Variants in ZC4H2 observed in about 807,000 individuals in gnomAD.
ZC4H2 encodes zinc finger C4H2 domain-containing protein.
For missense variants in ZC4H2, 137 were observed against 173.9 expected (o/e 0.79, Z 1.19); for synonymous variants, 84 against 66.3 (o/e 1.27, Z -1.30).
chrX:64,950,788 G>C (rs1325236070), intron 1 of ZC4H2, among the ~76,000 whole-genome samples: 2 of 110,042 alleles, frequency 1.8e-5, no homozygotes, highest in Non-Finnish European at 3.8e-5. Flanking sequence ...TGATGGCTCT[G>C]GATTCTTTTT....
At chrX:64,953,958 C>A (rs1057144008) in intron 1 of ZC4H2, among the ~76,000 whole-genome samples, 1 of 110,608 alleles carries the variant, frequency 9.0e-6, no homozygotes, top group Non-Finnish European at 1.9e-5. Context: ...GAAAATGTGG[C>A]ATATATACAC....
intron 1 of ZC4H2, among the ~76,000 whole-genome samples, chrX:65,026,213 C>G (rs185645472): frequency 8.9e-6 from 1 of 111,883 alleles, no homozygotes; most frequent in Non-Finnish European, 1.9e-5. Context: ...GAATGAAGGG[C>G]AGAGTAGAAA....
chrX:64,965,039 G>A (rs769454016), intron 1 of ZC4H2, among the ~76,000 whole-genome samples: 1 of 111,873 alleles, frequency 8.9e-6, no homozygotes, highest in African/African-American at 3.2e-5. Context: ...AAAATGCAAT[G>A]TGGTATCTTG....
At chrX:65,019,046 T>C (rs1569231919) in intron 1 of ZC4H2, among the ~76,000 whole-genome samples, 1 of 111,751 alleles carries the variant, frequency 8.9e-6, no homozygotes, top group Non-Finnish European at 1.9e-5. Context: ...CAGGGGCTTA[T>C]AGATAAAACC....
intron 1 of ZC4H2, among the ~76,000 whole-genome samples, chrX:65,017,910 A>G (rs757186705): frequency 3.6e-5 from 4 of 112,221 alleles, no homozygotes; most frequent in Non-Finnish European, 5.6e-5. Context: ...ATGCCTGTCA[A>G]TTTGTGCTAA....
chrX:64,966,176 T>A (rs1931585479), intron 1 of ZC4H2, among the ~76,000 whole-genome samples: 1 of 111,478 alleles, frequency 9.0e-6, no homozygotes, highest in Admixed American at 9.5e-5. Context: ...GATATATGGG[T>A]GGCAAATAAA....
At chrX:64,950,865 T>C (rs1344570998) in intron 1 of ZC4H2, among the ~76,000 whole-genome samples, 4 of 110,356 alleles carry the variant, frequency 3.6e-5, no homozygotes, top group Non-Finnish European at 7.6e-5. Flanking sequence ...TGCAGGTTAG[T>C]TACATATGTA....
At chrX:64,980,430 AG>A (rs969994238), upstream of ZC4H2, among the ~76,000 whole-genome samples, 1 of 112,021 alleles carries the variant, frequency 8.9e-6, no homozygotes, top group Non-Finnish European at 1.9e-5. Context: ...GCAAGGAGTC[AG>A]GGAAAAGCTT....
intron 1 of ZC4H2, among the ~76,000 whole-genome samples, chrX:64,954,854 G>A (rs1931091229): frequency 9.0e-6 from 1 of 111,153 alleles, no homozygotes; most frequent in South Asian, 3.8e-4. Flanking sequence ...AAATTGTTTA[G>A]GTATACAGTT....
chrX:64,976,254 A>G (rs982942834), intron 1 of ZC4H2, 71 bp downstream of exon 1: 9 of 1,118,596 alleles, frequency 8.0e-6, no homozygotes, highest in African/African-American at 1.8e-5. Flanking sequence ...ACAGCCCAAC[A>G]ATAGATAATT....
chrX:65,019,344 C>A (rs1446214932), intron 1 of ZC4H2, among the ~76,000 whole-genome samples: 1 of 112,296 alleles, frequency 8.9e-6, no homozygotes, highest in Non-Finnish European at 1.9e-5. Flanking sequence ...AAGGAACAGG[C>A]AGCAATCTTT....
rs745976690 is a variant in ZC4H2, at chrX:64,983,744, C to T, written c.-272+50885G>A. On this transcript the variant is annotated intron_variant, in intron 1 of 4. Coordinates refer to the ZC4H2 transcript ENST00000337990. ...GATCAAAAAATAACCTGTAGCTCTACGGAATAGTATTCAAACATTTAACTT... is the reference window on the plus strand; with the variant it reads ...GATCAAAAAATAACCTGTAGCTCTATGGAATAGTATTCAAACATTTAACTT... 2.3e-4 allele frequency among the ~76,000 whole-genome samples: 26 copies of T among 111,342 alleles called. 1 individual carries two copies. The highest frequency in any genetic ancestry group is 4.3e-4 in the Non-Finnish European group (23 of 53,132).
chrX:64,923,683 A>ATT (rs58475253), intron 1 of ZC4H2, among the ~76,000 whole-genome samples: 41 of 98,580 alleles, frequency 4.2e-4, no homozygotes, highest in Non-Finnish European at 7.9e-4. Flanking sequence ...ATGTTATTGT[A>ATT]TTTTTTTTTT....
intron 1 of ZC4H2, among the ~76,000 whole-genome samples, chrX:64,999,482 G>A (rs952252044): frequency 1.1e-4 from 12 of 112,318 alleles, no homozygotes; most frequent in Non-Finnish European, 7.5e-5. Flanking sequence ...ATGCCACCAC[G>A]GCCCTGGATT....
chrX:64,919,069 G>A lies in ZC4H2; in HGVS notation c.534C>T (p.Thr178=). The change falls in exon 4 of 5, where the codon ACC becomes ACT. Residue 178 remains threonine, a synonymous_variant. Coordinates refer to ENST00000374839, the MANE Select transcript of ZC4H2 (RefSeq NM_018684.4). ...ARKQDTRQTA[T]FRQQPPPMKA... is the part of the protein sequence containing the mutation. ...TCATAGGTGGGGGCTGCTGCCTGAAGGTGGCCGTCTGCCGAGTATCCTGCT... is the reference window on the plus strand; with the variant it reads ...TCATAGGTGGGGGCTGCTGCCTGAAAGTGGCCGTCTGCCGAGTATCCTGCT... 8.5e-7 allele frequency: 1 copy of A among 1,176,461 alleles called. No homozygotes were observed. The highest frequency in any genetic ancestry group is 1.1e-6 in the Non-Finnish European group (1 of 875,830).
At chrX:64,965,269 G>C (rs2147408439) in intron 1 of ZC4H2, among the ~76,000 whole-genome samples, 1 of 111,611 alleles carries the variant, frequency 9.0e-6, no homozygotes, top group East Asian at 2.8e-4. Flanking sequence ...ACATGACCTG[G>C]TTTCCGTAAT....
chrX:64,926,142 A>G (rs760299168), intron 1 of ZC4H2, among the ~76,000 whole-genome samples: 1 of 112,015 alleles, frequency 8.9e-6, no homozygotes, highest in East Asian at 2.8e-4. Flanking sequence ...TGCCATTAAT[A>G]TCTTTCAATA....
At chrX:65,000,446 G>T (rs1055421596) in intron 1 of ZC4H2, among the ~76,000 whole-genome samples, 10 of 111,993 alleles carry the variant, frequency 8.9e-5, no homozygotes, top group Non-Finnish European at 1.9e-4. Context: ...CAACATCAAA[G>T]ACCAAAGGTA....
At chrX:65,013,190 AGTCAGT>A (rs1345931766) in intron 1 of ZC4H2, among the ~76,000 whole-genome samples, 2 of 112,148 alleles carry the variant, frequency 1.8e-5, no homozygotes, top group Non-Finnish European at 3.8e-5. Context: ...GTCTAATCCA[AGTCAGT>A]GTCTAACCTC....
Sources: allele counts gnomAD v4.1 joint callset (sites outside exome capture counted in the v4.1 genomes callset), GRCh38; gene constraint gnomAD v4.1.1; transcripts MANE v1.5; gene names NCBI Gene and HGNC (gene_info 2026-07-23, HGNC 2026-07-21).